The following SCHIP1 variants were observed in gnomAD, a reference collection of about 807,000 sequenced individuals.
SCHIP1 encodes the protein schwannomin-interacting protein 1.
Under a neutral mutation model 29.7 loss-of-function variants are expected in SCHIP1, and 8 were observed. The ratio of observed to expected loss-of-function variants is 0.27; its 90% confidence interval spans 0.16 to 0.49. The LOEUF is 0.49. SCHIP1 is among the 20% of genes least tolerant of loss of function. The pLI is 0.99. For synonymous variants in SCHIP1, 76 were observed against 94.9 expected (o/e 0.80, Z 1.16); for missense variants, 193 against 294.6 (o/e 0.66, Z 2.52).
rs1319458165 is a variant in SCHIP1 at position 159,840,065 on chromosome 3, G to T, written c.-120G>T. On this transcript the variant is annotated 5_prime_UTR_variant, in exon 1 of 7. Transcript: ENST00000445224. The stretch of plus-strand genomic sequence containing the variant: ...AGCGAAACAGCATCCATTTTAATCT[G>T]CGGGGAGCCCCTGCCTTACCAGGGC... The T allele has an allele frequency of 5.3e-6, 8 of 1,505,916 alleles. No homozygotes were observed. In the Admixed American group the frequency reaches 1.7e-4, roughly 33 times the overall value. The allele number at this position is 1,505,916 out of a possible 1,614,324, so 93.3% of individuals were successfully genotyped here. A position where few individuals can be genotyped will look rare whatever the true frequency, so the allele number is the denominator to read the frequency against.
chr3:159,765,846 C>T, the SCHIP1 span: 26 of 152,138 alleles, frequency 1.7e-4, no homozygotes, highest in Non-Finnish European at 2.9e-5. Context: ...GTTTTGATAA[C>T]GGAGCCACTT....
the SCHIP1 span, among the ~76,000 whole-genome samples, chr3:159,737,674 G>A: frequency 6.6e-6 from 1 of 152,198 alleles, no homozygotes; most frequent in East Asian, 1.9e-4. Context: ...TCTCACAAGT[G>A]ATAAAGAAAA....
the SCHIP1 span, among the ~76,000 whole-genome samples, chr3:159,633,412 G>A: frequency 6.6e-6 from 1 of 152,134 alleles, no homozygotes; most frequent in Non-Finnish European, 1.5e-5. Flanking sequence ...CACAATAAAT[G>A]GAGGTGGGAG....
At chr3:159,496,805 C>T in the SCHIP1 span, among the ~76,000 whole-genome samples, 5 of 152,218 alleles carry the variant, frequency 3.3e-5, no homozygotes, top group South Asian at 6.2e-4. Context: ...CACATGCACA[C>T]GTATGTTTAT....
At chr3:159,626,765 T>C in the SCHIP1 span, among the ~76,000 whole-genome samples, 26 of 152,166 alleles carry the variant, frequency 1.7e-4, no homozygotes, top group African/African-American at 5.5e-4. Context: ...ATGCAGTCCC[T>C]GAAGAAGCTG....
intron 3 of SCHIP1, 159 bp from the exon 5 acceptor site, chr3:159,887,549 T>C: frequency 2.7e-6 from 2 of 748,428 alleles, no homozygotes; most frequent in South Asian, 1.8e-5. Context: ...AGACCCTTTT[T>C]CTGTTACTTG....
the SCHIP1 span, among the ~76,000 whole-genome samples, chr3:159,558,200 T>G: frequency 6.6e-6 from 1 of 152,164 alleles, no homozygotes; most frequent in African/African-American, 2.4e-5. Flanking sequence ...GGAAGGTATA[T>G]CTCCATGGTT....
the SCHIP1 span, among the ~76,000 whole-genome samples, chr3:159,449,231 T>G: frequency 6.6e-6 from 1 of 152,086 alleles, no homozygotes; most frequent in East Asian, 1.9e-4. Context: ...CTCTCTTGAC[T>G]CCATTTGTAA....
the SCHIP1 span, among the ~76,000 whole-genome samples, chr3:159,578,372 ATAT>A: frequency 6.6e-6 from 1 of 152,202 alleles, no homozygotes; most frequent in Non-Finnish European, 1.5e-5. Context: ...ACATGTTGAA[ATAT>A]TATGGGCATA....
the SCHIP1 span, among the ~76,000 whole-genome samples, chr3:159,487,151 C>T: frequency 2.9e-3 from 447 of 152,168 alleles, 1 homozygote; most frequent in African/African-American, 0.011. Flanking sequence ...TTATATGGAG[C>T]AATGTGGCTT....
chr3:159,464,517 C>T, the SCHIP1 span, among the ~76,000 whole-genome samples: 1 of 152,110 alleles, frequency 6.6e-6, no homozygotes, highest in Non-Finnish European at 1.5e-5. Context: ...GTTATCTTGC[C>T]TCATTGAAGG....
chr3:159,361,464 A>C, the SCHIP1 span, among the ~76,000 whole-genome samples: 1 of 152,188 alleles, frequency 6.6e-6, no homozygotes, highest in Non-Finnish European at 1.5e-5. Context: ...AGATTCGAAA[A>C]TAATTAGGGG....
At chr3:159,510,894 C>T in the SCHIP1 span, among the ~76,000 whole-genome samples, 4 of 152,208 alleles carry the variant, frequency 2.6e-5, no homozygotes, top group Non-Finnish European at 5.9e-5. Flanking sequence ...GGGTGCCTCC[C>T]AGTTAGGCTA....
At chr3:159,692,147 G>T in the SCHIP1 span, among the ~76,000 whole-genome samples, 1 of 150,396 alleles carries the variant, frequency 6.6e-6, no homozygotes, top group African/African-American at 2.5e-5. Context: ...CTCTCTGGCT[G>T]CCCTTAACAT....
At chr3:159,574,677 C>T in the SCHIP1 span, among the ~76,000 whole-genome samples, 2 of 152,232 alleles carry the variant, frequency 1.3e-5, no homozygotes, top group African/African-American at 4.8e-5. Flanking sequence ...AGTCTGCAGA[C>T]ATTGACTGCT....
the SCHIP1 span, among the ~76,000 whole-genome samples, chr3:159,648,128 T>C: frequency 6.6e-6 from 1 of 152,118 alleles, no homozygotes; most frequent in East Asian, 1.9e-4. Flanking sequence ...AGTGGAAGAC[T>C]GAAATTGTCT....
At chr3:159,670,700 T>G in the SCHIP1 span, among the ~76,000 whole-genome samples, 4 of 152,204 alleles carry the variant, frequency 2.6e-5, no homozygotes, top group African/African-American at 9.7e-5. Flanking sequence ...ATCTTAGAAT[T>G]TTTTTAAAAA....
chr3:159,361,475 A>T, the SCHIP1 span, among the ~76,000 whole-genome samples: 2 of 152,186 alleles, frequency 1.3e-5, no homozygotes, highest in African/African-American at 4.8e-5. Flanking sequence ...TAATTAGGGG[A>T]TGGAGAATGA....
the SCHIP1 span, among the ~76,000 whole-genome samples, chr3:159,545,144 A>G: frequency 6.6e-6 from 1 of 152,082 alleles, no homozygotes; most frequent in Non-Finnish European, 1.5e-5. Context: ...ATGTCCAAAC[A>G]TGTGTAGATC....
Sources: gnomAD v4.1 joint callset for allele counts (sites outside exome capture counted in the v4.1 genomes callset) on GRCh38, gnomAD v4.1.1 for gene constraint, MANE v1.5 for transcripts, NCBI Gene and HGNC (gene_info 2026-07-23, HGNC 2026-07-21) for gene names.